Variants in LGSN observed in about 807,000 individuals in gnomAD.
LGSN encodes the protein lengsin.
In LGSN, 21 loss-of-function variants were observed where a neutral mutation model predicts 19.5. That is an observed-to-expected ratio of 1.07 (90% CI 0.76 to 1.55). The LOEUF (loss-of-function observed/expected upper bound fraction) is 1.55, where lower values mean the gene tolerates loss of function less well. LGSN is among the 40% of genes most tolerant of loss of function. The pLI is 0.00. For missense variants in LGSN, 673 were observed against 608.5 expected, an observed-to-expected ratio of 1.11 and a Z score of -1.12; for synonymous variants, 257 against 215.6, an observed-to-expected ratio of 1.19 and a Z score of -1.68.
the LGSN span, among the ~76,000 whole-genome samples, chr6:63,460,194 G>A: frequency 1.2e-4 from 16 of 132,120 alleles, no homozygotes; most frequent in African/African-American, 2.6e-4. Flanking sequence ...TCCTGACCTC[G>A]TGATTCACCT....
chr6:63,311,961 A>T (rs1268153396), intron 1 of LGSN, among the ~76,000 whole-genome samples: 2 of 152,108 alleles, frequency 1.3e-5, no homozygotes, highest in African/African-American at 4.8e-5. Flanking sequence ...CTTTTTACAC[A>T]TCACATATAA....
the LGSN span, among the ~76,000 whole-genome samples, chr6:63,430,057 A>G: frequency 6.6e-6 from 1 of 152,220 alleles, no homozygotes; most frequent in African/African-American, 2.4e-5. Context: ...ATGATGTCAG[A>G]TGGTGAGCTT....
At chr6:63,544,922 A>G in the LGSN span, among the ~76,000 whole-genome samples, 1 of 152,200 alleles carries the variant, frequency 6.6e-6, no homozygotes. Flanking sequence ...GTCTCCGAAG[A>G]GATACTTTAA....
At chr6:63,331,705 C>T in the LGSN span, among the ~76,000 whole-genome samples, 6 of 152,266 alleles carry the variant, frequency 3.9e-5, no homozygotes, top group South Asian at 2.1e-4. Context: ...CACTCACCTA[C>T]GCAGCAGCAG....
chr6:63,340,022 G>C, the LGSN span, among the ~76,000 whole-genome samples: 1 of 151,954 alleles, frequency 6.6e-6, no homozygotes, highest in African/African-American at 2.4e-5. Flanking sequence ...AAAAAAGATA[G>C]CTGTACTGGT....
the LGSN span, among the ~76,000 whole-genome samples, chr6:63,348,741 C>CTTTTTT: frequency 2.8e-5 from 3 of 106,694 alleles, no homozygotes; most frequent in African/African-American, 6.9e-5. Context: ...AAGATTTTTA[C>CTTTTTT]TTTTTTTTTT....
At chr6:63,367,417 C>T in the LGSN span, among the ~76,000 whole-genome samples, 2 of 151,604 alleles carry the variant, frequency 1.3e-5, no homozygotes, top group East Asian at 1.9e-4. Context: ...GTTAGAATGG[C>T]AATCATTAAA....
At chr6:63,447,320 T>C in the LGSN span, among the ~76,000 whole-genome samples, 1 of 152,224 alleles carries the variant, frequency 6.6e-6, no homozygotes. Context: ...CTTTTTAATT[T>C]ATGTTTGGAG....
the LGSN span, among the ~76,000 whole-genome samples, chr6:63,404,446 C>A: frequency 2.0e-5 from 3 of 152,036 alleles, no homozygotes; most frequent in Non-Finnish European, 4.4e-5. Flanking sequence ...TTAGTCTGTT[C>A]AGGTTTCTGT....
the LGSN span, among the ~76,000 whole-genome samples, chr6:63,477,214 TAA>T: frequency 6.6e-6 from 1 of 152,212 alleles, no homozygotes; most frequent in African/African-American, 2.4e-5. Flanking sequence ...TTCATAAGCT[TAA>T]AAGTCAGAAA....
the LGSN span, among the ~76,000 whole-genome samples, chr6:63,477,909 GT>G: frequency 1.3e-5 from 2 of 150,320 alleles, no homozygotes; most frequent in African/African-American, 4.9e-5. Context: ...TGTTTCTTTG[GT>G]TTCATCAATA....
chr6:63,351,849 A>C, the LGSN span, among the ~76,000 whole-genome samples: 1 of 152,308 alleles, frequency 6.6e-6, no homozygotes, highest in African/African-American at 2.4e-5. Context: ...TAATTTTTTA[A>C]ATGATGTTTC....
At chr6:63,566,383 C>T in the LGSN span, among the ~76,000 whole-genome samples, 973 of 152,182 alleles carry the variant, frequency 6.4e-3, 5 homozygotes, top group Non-Finnish European at 9.7e-3. Flanking sequence ...TTAAGGAATT[C>T]GGCTCAGGGT....
At chr6:63,419,781 G>A in the LGSN span, among the ~76,000 whole-genome samples, 5 of 148,060 alleles carry the variant, frequency 3.4e-5, no homozygotes, top group East Asian at 2.0e-4. Flanking sequence ...CCAGCTACTC[G>A]GGAGGCTGAG....
At chr6:63,550,267 A>G in the LGSN span, 2 of 152,194 alleles carry the variant, frequency 1.3e-5, no homozygotes, top group Non-Finnish European at 2.9e-5. Flanking sequence ...AAAAAAGATT[A>G]TGTGATTAAT....
the LGSN span, among the ~76,000 whole-genome samples, chr6:63,345,389 T>C: frequency 6.6e-6 from 1 of 152,192 alleles, no homozygotes; most frequent in African/African-American, 2.4e-5. Flanking sequence ...TCTAAAATAA[T>C]AGTAGCTTAA....
chr6:63,340,263 C>T, the LGSN span, among the ~76,000 whole-genome samples: 2 of 152,050 alleles, frequency 1.3e-5, no homozygotes, highest in Admixed American at 1.3e-4. Context: ...GGGATTAAAT[C>T]TATTTGGGGA....
At chr6:63,571,946 T>C in the LGSN span, 1 of 152,194 alleles carries the variant, frequency 6.6e-6, no homozygotes, top group Non-Finnish European at 1.5e-5. Context: ...TACAGCGGTC[T>C]TGCGACATAA....
chr6:63,485,146 A>T, the LGSN span, among the ~76,000 whole-genome samples: 3 of 151,940 alleles, frequency 2.0e-5, no homozygotes, highest in South Asian at 4.1e-4. Context: ...TATTAAGCCT[A>T]GTATCCATTA....
Sources: allele counts gnomAD v4.1 joint callset (sites outside exome capture counted in the v4.1 genomes callset), GRCh38; gene constraint gnomAD v4.1.1; transcripts MANE v1.5; gene names NCBI Gene and HGNC (gene_info 2026-07-23, HGNC 2026-07-21).